MDGA2: variants seen among roughly 807,000 people sequenced by gnomAD.
MDGA2 encodes the protein MAM domain-containing glycosylphosphatidylinositol anchor protein 2.
MDGA2 carries 40 observed loss-of-function variants against 117.8 expected under a neutral mutation model. That is an observed-to-expected ratio of 0.34 (90% CI 0.26 to 0.44). The LOEUF (loss-of-function observed/expected upper bound fraction) is 0.44. Among genes scored for constraint, MDGA2 ranks in the 20% least tolerant of loss-of-function variants. The pLI, the probability that MDGA2 is intolerant of heterozygous loss-of-function variation, is 1.00. For synonymous variants in MDGA2, 452 were observed against 439.0 expected (o/e 1.03, Z -0.37); for missense variants, 1,123 against 1,250.6 (o/e 0.90, Z 1.54).
rs1286314522 is a variant in MDGA2, at chr14:47,664,285, G to GA, written c.280+10231dup. Among the ~76,000 whole-genome samples, 5 of 151,856 alleles carry GA rather than the reference G, an allele frequency of 3.3e-5. No individual in the cohort carries two copies. In the South Asian group the frequency reaches 8.3e-4, roughly 25 times the overall value. ...TGACACAACCAGAATATTTTTTCCA[G>GA]AAAAAAAATTACTTGGTCTCTGTTA... On this transcript the variant is annotated intron_variant, in intron 1 of 16. Transcript: ENST00000399232.
intron 8 of MDGA2, among the ~76,000 whole-genome samples, chr14:46,987,551 T>C (rs892187414): frequency 4.7e-4 from 71 of 152,016 alleles, no homozygotes; most frequent in African/African-American, 1.6e-3. Flanking sequence ...ACTCACCACA[T>C]TGAAATATTG....
intron 1 of MDGA2, among the ~76,000 whole-genome samples, chr14:47,421,090 G>A (rs1046150807): frequency 1.3e-5 from 2 of 152,032 alleles, no homozygotes; most frequent in Admixed American, 1.3e-4. Flanking sequence ...ATGTCAAAAT[G>A]TTACATTTTA....
chr14:47,422,052 T>C (rs1469608668), intron 1 of MDGA2, among the ~76,000 whole-genome samples: 1 of 152,154 alleles, frequency 6.6e-6, no homozygotes, highest in Non-Finnish European at 1.5e-5. Flanking sequence ...AATATAGAAG[T>C]GTGCTATGGC....
At chr14:47,482,246 AG>A (rs1213723052) in intron 1 of MDGA2, among the ~76,000 whole-genome samples, 1 of 152,062 alleles carries the variant, frequency 6.6e-6, no homozygotes, top group Non-Finnish European at 1.5e-5. Flanking sequence ...ATAGAAATTT[AG>A]GAAAAGAGGA....
intron 3 of MDGA2, among the ~76,000 whole-genome samples, chr14:47,196,898 A>G (rs1187480172): frequency 6.6e-6 from 1 of 152,156 alleles, no homozygotes; most frequent in African/African-American, 2.4e-5. Flanking sequence ...GCTGCCACTT[A>G]TAAGGGAAAA....
At chr14:47,297,860 C>T (rs1328076150) in intron 2 of MDGA2, among the ~76,000 whole-genome samples, 1 of 152,054 alleles carries the variant, frequency 6.6e-6, no homozygotes, top group Non-Finnish European at 1.5e-5. Flanking sequence ...ATTTTCATAC[C>T]TACACATCCA....
intron 4 of MDGA2, among the ~76,000 whole-genome samples, chr14:47,133,128 AAC>A (rs1164965669): frequency 5.5e-4 from 83 of 151,700 alleles, no homozygotes; most frequent in African/African-American, 1.9e-3. Flanking sequence ...AAAACAAACA[AAC>A]AAAAAAAAAC....
intron 1 of MDGA2, among the ~76,000 whole-genome samples, chr14:47,439,863 T>C (rs1189969046): frequency 3.3e-5 from 5 of 151,664 alleles, no homozygotes; most frequent in African/African-American, 1.2e-4. Context: ...ATATGAGGGC[T>C]AGAAGTATTT....
intron 8 of MDGA2, among the ~76,000 whole-genome samples, chr14:46,969,257 A>C (rs1886163647): frequency 6.6e-6 from 1 of 152,170 alleles, no homozygotes; most frequent in African/African-American, 2.4e-5. Flanking sequence ...TCCTTTGGCT[A>C]TATACCCAGT....
At chr14:47,356,278 A>G (rs896617814) in intron 1 of MDGA2, among the ~76,000 whole-genome samples, 2 of 152,190 alleles carry the variant, frequency 1.3e-5, no homozygotes, top group African/African-American at 4.8e-5. Flanking sequence ...CATACTAGGC[A>G]TCTTTCTCAC....
intron 1 of MDGA2, among the ~76,000 whole-genome samples, chr14:47,409,245 T>C (rs2138481718): frequency 6.6e-6 from 1 of 152,346 alleles, no homozygotes; most frequent in Non-Finnish European, 1.5e-5. Flanking sequence ...AGAGATTTGT[T>C]CTGAGGTTAC....
chr14:47,457,945 T>G (rs57954688), intron 1 of MDGA2, among the ~76,000 whole-genome samples: 4,876 of 151,992 alleles, frequency 0.032, 285 homozygotes, highest in African/African-American at 0.11. Context: ...GTTAAGAGGA[T>G]AGTGCTCATT....
chr14:46,913,478 T>C (rs540242784), intron 10 of MDGA2, among the ~76,000 whole-genome samples: 26 of 120,028 alleles, frequency 2.2e-4, no homozygotes, highest in African/African-American at 7.5e-4. Context: ...GCAAAAATTA[T>C]TCACTAAAAT....
At chr14:47,526,332 C>A (rs764300661) in intron 1 of MDGA2, among the ~76,000 whole-genome samples, 3 of 152,076 alleles carry the variant, frequency 2.0e-5, no homozygotes, top group Non-Finnish European at 2.9e-5. Flanking sequence ...GATTTTTCTC[C>A]AAATAGAATT....
chr14:47,062,583 G>A (rs1353741894), intron 6 of MDGA2, among the ~76,000 whole-genome samples: 1 of 150,416 alleles, frequency 6.6e-6, no homozygotes, highest in Non-Finnish European at 1.5e-5. Context: ...CATACACAGT[G>A]AAACACAATT....
rs3007134 is a variant in MDGA2, at chr14:46,855,420, C to G, written c.2753-266G>C. Among the ~76,000 whole-genome samples, 60,906 of 151,844 alleles carry G rather than the reference C, an allele frequency of 0.4. 13,500 individuals are homozygous for G. Among genetic ancestry groups the G allele is most frequent in the East Asian group, 0.64 (3,294 of 5,142 alleles). On this transcript the variant is annotated intron_variant, in intron 14 of 16. Coordinates refer to ENST00000399232, the MANE Select transcript of MDGA2 (RefSeq NM_001113498.3). The surrounding 1 kb of genome is among the most constrained non-coding windows in gnomAD (Gnocchi z 4.1). ...AGGATTTTGCAATGGGGAGATTATT[C>G]TAGATTATTAGGGTGAGTCCTAAAT...
chr14:47,041,015 A>C (rs1183549876), intron 7 of MDGA2, among the ~76,000 whole-genome samples: 1 of 152,206 alleles, frequency 6.6e-6, no homozygotes, highest in Non-Finnish European at 1.5e-5. Context: ...TAATAGAGAT[A>C]AACATAATCA....
intron 6 of MDGA2, among the ~76,000 whole-genome samples, chr14:47,087,801 CA>C (rs11418956): frequency 0.23 from 31,872 of 139,012 alleles, 3,281 homozygotes; most frequent in Admixed American, 0.31. Context: ...TGTAGGGTAT[CA>C]AAAAAAAAAA....
rs10533233 is a variant in MDGA2, at chr14:47,646,079, C to CA, written c.280+28437dup. On this transcript the variant is annotated intron_variant, in intron 1 of 16. Coordinates refer to ENST00000399232, the MANE Select transcript of MDGA2 (RefSeq NM_001113498.3). ...TGCGCGACAGAGCAAGACTCCGTCT[C>CA]AAAAAAAAAAAAAAAAAAAGGAAGA... Among the ~76,000 whole-genome samples the CA allele has an allele frequency of 1.5e-3, 163 of 107,508 alleles. 1 individual carries two copies. Among genetic ancestry groups the CA allele is most frequent in the Non-Finnish European group, 1.9e-3 (100 of 53,210 alleles). The allele number at this position is 107,508 out of a possible 152,430, so 70.5% of individuals were successfully genotyped here.
Sources: allele counts gnomAD v4.1 joint callset (sites outside exome capture counted in the v4.1 genomes callset), GRCh38; gene constraint gnomAD v4.1.1; non-coding constraint Gnocchi (gnomAD v3.1); transcripts MANE v1.5; gene names NCBI Gene and HGNC (gene_info 2026-07-23, HGNC 2026-07-21).